DEK: variants seen among roughly 807,000 people sequenced by gnomAD.
The protein encoded by DEK is DEK proto-oncogene, also known as protein DEK.
In DEK, 28 loss-of-function variants were observed where a neutral mutation model predicts 46.8. The ratio of observed to expected loss-of-function variants is 0.60; its 90% CI spans 0.44 to 0.82. The LOEUF is 0.82. Among genes scored for constraint, DEK ranks in the 40% least tolerant of loss-of-function variants. DEK has a pLI of 0.00. For synonymous variants in DEK, 160 were observed against 144.5 expected (o/e 1.11, Z -0.77); for missense variants, 416 against 430.6 (o/e 0.97, Z 0.30).
intron 9 of DEK, among the ~76,000 whole-genome samples, chr6:18,234,583 C>T (rs1197250220): frequency 1.3e-5 from 2 of 152,138 alleles, no homozygotes; most frequent in Non-Finnish European, 2.9e-5. Context: ...GTTTCATCTC[C>T]TTATTCAAGT....
intron 9 of DEK, among the ~76,000 whole-genome samples, chr6:18,227,411 T>A (rs1790188834): frequency 6.6e-6 from 1 of 152,196 alleles, no homozygotes; most frequent in African/African-American, 2.4e-5. Context: ...ACTTAATTCT[T>A]TACCTTGACT....
At chr6:18,229,589 T>C (rs1011984186) in intron 9 of DEK, among the ~76,000 whole-genome samples, 1 of 152,164 alleles carries the variant, frequency 6.6e-6, no homozygotes, top group East Asian at 1.9e-4. Context: ...ATGCACAAGC[T>C]TCAGTAGCCG....
intron 7 of DEK, among the ~76,000 whole-genome samples, chr6:18,238,048 TAG>T (rs994218198): frequency 1.3e-5 from 2 of 151,700 alleles, no homozygotes; most frequent in African/African-American, 4.8e-5. Context: ...TTTGTATTTT[TAG>T]TAGAGATGAG....
chr6:18,247,647 C>G (rs747516992), intron 7 of DEK, among the ~76,000 whole-genome samples: 1 of 151,752 alleles, frequency 6.6e-6, no homozygotes, highest in East Asian at 1.9e-4. Context: ...ATTTAGAAAG[C>G]GAATTTTAAA....
intron 6 of DEK, among the ~76,000 whole-genome samples, chr6:18,253,618 T>C (rs1259487090): frequency 6.6e-6 from 1 of 152,218 alleles, no homozygotes; most frequent in African/African-American, 2.4e-5. Flanking sequence ...AAACTACAAC[T>C]TATGTAGAGT....
At chr6:18,242,604 A>G (rs968174380) in intron 7 of DEK, among the ~76,000 whole-genome samples, 4 of 152,138 alleles carry the variant, frequency 2.6e-5, no homozygotes, top group African/African-American at 9.7e-5. Flanking sequence ...CACACTGTAG[A>G]TGCTCCCAGA....
chr6:18,256,426 C>T lies in DEK; in HGVS notation c.387G>A (p.Gln129=). The T allele has an allele frequency of 6.2e-7, 1 of 1,613,312 alleles. No individual in the cohort carries two copies. Among genetic ancestry groups the T allele is most frequent in the South Asian group, 1.1e-5 (1 of 90,914 alleles). Reference sequence around the variant, plus strand: ...CTTTTTCAAATGGAAAGCCACTGAACTGACCCACATTCTTCTTTAATGAGG... The same window carrying T: ...CTTTTTCAAATGGAAAGCCACTGAATTGACCCACATTCTTCTTTAATGAGG... The part of the protein sequence containing the change: ...TVSSLKKNVG[Q]FSGFPFEKGS... The change falls in exon 5 of 11, where the codon CAG becomes CAA. Residue 129 remains glutamine, a synonymous_variant. Coordinates refer to ENST00000652689, the MANE Select transcript of DEK (RefSeq NM_003472.4).
At chr6:18,261,408 A>G (rs1209829370) in intron 2 of DEK, among the ~76,000 whole-genome samples, 1 of 152,202 alleles carries the variant, frequency 6.6e-6, no homozygotes, top group African/African-American at 2.4e-5. Context: ...CCTTGTCTCT[A>G]TTAAAAATAC....
rs541348813 is a variant in DEK at position 18,244,942 on chromosome 6, TAGATAGTTTACCAA to T, written c.762+4695_762+4708del. On this transcript the variant is annotated intron_variant, in intron 7 of 10. Coordinates refer to ENST00000652689, the MANE Select transcript of DEK (RefSeq NM_003472.4). ...CAGATAATCCCTTGAATGGTCCAAATAGATAGTTTACCAAAAATTATAATGGAGTTTCTCTGACT... is the reference window on the plus strand; with the variant it reads ...CAGATAATCCCTTGAATGGTCCAAATAAATTATAATGGAGTTTCTCTGACT... 4.6e-5 allele frequency among the ~76,000 whole-genome samples: 7 copies of T among 152,292 alleles called. No individual in the cohort carries two copies. The East Asian group carries it at 1.4e-3, about 29-fold the overall frequency.
intron 6 of DEK, among the ~76,000 whole-genome samples, chr6:18,253,784 A>T (rs214523): frequency 0.49 from 75,116 of 151,856 alleles, 19,155 homozygotes; most frequent in African/African-American, 0.63. Flanking sequence ...GTGGCATGAA[A>T]ATAGCTCACT....
intron 6 of DEK, among the ~76,000 whole-genome samples, chr6:18,250,266 G>A (rs961081384): frequency 6.6e-6 from 1 of 152,112 alleles, no homozygotes; most frequent in African/African-American, 2.4e-5. Context: ...TCAGGAGATC[G>A]AGACCATCCT....
intron 9 of DEK, among the ~76,000 whole-genome samples, chr6:18,231,473 C>T (rs1002180878): frequency 3.3e-5 from 5 of 152,006 alleles, no homozygotes; most frequent in African/African-American, 9.6e-5. Context: ...AGACCGCTAG[C>T]AAGACTAATA....
At chr6:18,235,701 T>A (rs1391205885) in intron 9 of DEK, among the ~76,000 whole-genome samples, 2 of 152,144 alleles carry the variant, frequency 1.3e-5, no homozygotes, top group African/African-American at 2.4e-5. Flanking sequence ...GCTGCCCAGG[T>A]TGGTCTTGAA....
chr6:18,240,581 T>C (rs1790854680), intron 7 of DEK, among the ~76,000 whole-genome samples: 2 of 152,212 alleles, frequency 1.3e-5, no homozygotes, highest in Non-Finnish European at 2.9e-5. Flanking sequence ...TTAACTATTA[T>C]TACTGAGTGC....
intron 6 of DEK, among the ~76,000 whole-genome samples, chr6:18,250,566 AC>A (rs1791328795): frequency 4.3e-5 from 6 of 139,396 alleles, no homozygotes; most frequent in African/African-American, 1.6e-4. Context: ...TGGGAGAAAA[AC>A]CTTTTTTTTT....
intron 2 of DEK, among the ~76,000 whole-genome samples, chr6:18,259,038 C>CA (rs1445627165): frequency 6.6e-6 from 1 of 151,888 alleles, no homozygotes; most frequent in Non-Finnish European, 1.5e-5. Context: ...TGTTTAGTCA[C>CA]AAAAATCTAC....
chr6:18,260,336 T>TGAATCCACAGATGAG (rs1791801253), intron 2 of DEK, among the ~76,000 whole-genome samples: 1 of 152,198 alleles, frequency 6.6e-6, no homozygotes, highest in Non-Finnish European at 1.5e-5. Flanking sequence ...TGTGGTTGAT[T>TGAATCCACAGATGAG]GAATCCACAG....
intron 9 of DEK, among the ~76,000 whole-genome samples, chr6:18,235,183 TG>T (rs1424130402): frequency 6.6e-6 from 1 of 152,202 alleles, no homozygotes; most frequent in Admixed American, 6.5e-5. Context: ...AAAATATGAT[TG>T]CGTTATGCCC....
At position 18,226,335 on chromosome 6, in the gene DEK, C is replaced by A. The variant is rs535678905; in HGVS notation, c.1048-93G>T. 78 of 1,057,360 alleles carry A rather than the reference C, an allele frequency of 7.4e-5. No homozygotes were observed. In the African/African-American group the frequency reaches 8.5e-4, roughly 12 times the overall value. 65.5% of individuals were successfully genotyped at this position (1,057,360 alleles called of 1,614,324 possible). Reference sequence around the variant, plus strand: ...ATAAAAGCAGGAAATCTGCTACGTGCAAATAGCCACAACCATCCCAACAGT... The same window carrying A: ...ATAAAAGCAGGAAATCTGCTACGTGAAAATAGCCACAACCATCCCAACAGT... On this transcript the variant is annotated intron_variant, in intron 9 of 10. Transcript: ENST00000652689.
Sources: gnomAD v4.1 joint callset for allele counts (sites outside exome capture counted in the v4.1 genomes callset) on GRCh38, gnomAD v4.1.1 for gene constraint, MANE v1.5 for transcripts, NCBI Gene and HGNC (gene_info 2026-07-23, HGNC 2026-07-21) for gene names.